The following PRTG variants were observed in gnomAD, a reference collection of about 807,000 sequenced individuals.
PRTG encodes the protein immunoglobulin superfamily, DCC subclass, member 5.
PRTG carries 67 observed loss-of-function variants against 122.5 expected under a neutral mutation model. The ratio of observed to expected loss-of-function variants is 0.55; its 90% confidence interval spans 0.45 to 0.67. PRTG has a LOEUF of 0.67. Ranked by LOEUF, PRTG falls within the 30% of genes least tolerant of loss-of-function variation. The pLI is 0.00. For synonymous variants in PRTG, 554 were observed against 501.1 expected, an observed-to-expected ratio of 1.11 and a Z score of -1.41; for missense variants, 1,435 against 1,415.4, an observed-to-expected ratio of 1.01 and a Z score of -0.22.
Position 55,648,481 on chromosome 15 carries a change from A to G in PRTG, c.2042-7273T>C, listed in dbSNP as rs547726835. On this transcript the variant is annotated intron_variant, in intron 11 of 19. Coordinates refer to ENST00000389286, the MANE Select transcript of PRTG (RefSeq NM_173814.6). ...ACACTGAAACATATTTCTAAACACC[A>G]CACAACAAAAAACCCCATGCCTTCG... Among the ~76,000 whole-genome samples the G allele has an allele frequency of 5.9e-5, 9 of 152,306 alleles. 1 individual carries two copies. Among genetic ancestry groups the G allele is most frequent in the African/African-American group, 2.2e-4 (9 of 41,560 alleles).
At chr15:55,739,915 C>A (rs2031555126) in intron 2 of PRTG, among the ~76,000 whole-genome samples, 1 of 152,202 alleles carries the variant, frequency 6.6e-6, no homozygotes, top group African/African-American at 2.4e-5. Context: ...AATTAAAAGG[C>A]AACATGGGTG....
chr15:55,742,606 C>G, intron 1 of PRTG: 1 of 509,884 alleles, frequency 2.0e-6, no homozygotes, highest in Non-Finnish European at 3.4e-6. Context: ...GGGCGTGCGC[C>G]CGGAGAAGCT....
chr15:55,730,749 G>A (rs529535039), intron 2 of PRTG, among the ~76,000 whole-genome samples: 9 of 152,244 alleles, frequency 5.9e-5, no homozygotes, highest in South Asian at 4.1e-4. Flanking sequence ...GCAGTGAGCC[G>A]AGATGGCGCC....
chr15:55,690,129 A>G (rs2059592770), intron 2 of PRTG, among the ~76,000 whole-genome samples: 1 of 152,232 alleles, frequency 6.6e-6, no homozygotes, highest in Non-Finnish European at 1.5e-5. Context: ...TTGTTCTTAC[A>G]ATAAGACCAT....
intron 2 of PRTG, among the ~76,000 whole-genome samples, chr15:55,702,670 G>A (rs755577349): frequency 1.3e-5 from 2 of 152,106 alleles, no homozygotes; most frequent in African/African-American, 4.8e-5. Context: ...ACTATTAGAG[G>A]AACAGGAGGA....
intron 2 of PRTG, 54 bp downstream of exon 2, chr15:55,740,328 A>G: frequency 6.8e-7 from 1 of 1,466,520 alleles, no homozygotes; most frequent in South Asian, 1.4e-5. Context: ...AAAGCAAGAA[A>G]TCATCAAAAT....
intron 11 of PRTG, among the ~76,000 whole-genome samples, chr15:55,661,500 A>G (rs542605838): frequency 3.8e-4 from 58 of 152,236 alleles, no homozygotes; most frequent in African/African-American, 1.4e-3. Context: ...CTCCACAAGT[A>G]CTGTAAATCT....
chr15:55,674,517 C>G (rs1307302831), intron 9 of PRTG, among the ~76,000 whole-genome samples: 1 of 152,112 alleles, frequency 6.6e-6, no homozygotes. Flanking sequence ...AACGAGGTAA[C>G]TAGAGATGTC....
rs539365056 is a variant in PRTG, at chr15:55,644,381, T to C, written c.2042-3173A>G. Reference sequence around the variant, plus strand: ...TGGAGAGATAATCTTTTTTCTACCATGCAAACAACTTCAATCAATACTGCA... The same window carrying C: ...TGGAGAGATAATCTTTTTTCTACCACGCAAACAACTTCAATCAATACTGCA... On this transcript the variant is annotated intron_variant, in intron 11 of 19. Transcript: ENST00000389286. Among the ~76,000 whole-genome samples the C allele has an allele frequency of 4.6e-5, 7 of 152,312 alleles. No homozygotes were observed. The East Asian group carries it at 1.3e-3, about 29-fold the overall frequency.
At chr15:55,675,096 T>C (rs1242569883) in intron 9 of PRTG, among the ~76,000 whole-genome samples, 1 of 152,110 alleles carries the variant, frequency 6.6e-6, no homozygotes, top group African/African-American at 2.4e-5. Context: ...AATCAACAGG[T>C]ACTAAGTGCT....
intron 15 of PRTG, among the ~76,000 whole-genome samples, chr15:55,636,954 T>A (rs2059260974): frequency 6.6e-6 from 1 of 152,234 alleles, no homozygotes; most frequent in Non-Finnish European, 1.5e-5. Flanking sequence ...GCTATATCTC[T>A]TCTATTAACA....
intron 2 of PRTG, among the ~76,000 whole-genome samples, chr15:55,721,088 C>T (rs2030804838): frequency 6.6e-6 from 1 of 152,160 alleles, no homozygotes. Flanking sequence ...ACCAAGTCAC[C>T]CAAACGAAAT....
chr15:55,623,553 T>G (rs1265570341), intron 18 of PRTG, among the ~76,000 whole-genome samples: 3 of 151,928 alleles, frequency 2.0e-5, no homozygotes, highest in African/African-American at 7.3e-5. Flanking sequence ...GCAACAAGAC[T>G]GAAACTCCAT....
chr15:55,692,629 C>T (rs1372673925), intron 2 of PRTG, among the ~76,000 whole-genome samples: 1 of 151,778 alleles, frequency 6.6e-6, no homozygotes, highest in African/African-American at 2.4e-5. Context: ...ATAACAGAAA[C>T]AACTTAAAAT....
rs536821094 is a variant in PRTG, at chr15:55,618,521, C to A, written c.*1491G>T. On this transcript the variant is annotated 3_prime_UTR_variant, in exon 20 of 20. Coordinates refer to ENST00000389286, the MANE Select transcript of PRTG (RefSeq NM_173814.6). ...CGGCACCTAGGTAACTGTCTCATGACGGAGAAAAGGCCTATGTTATGTAGC... is the reference window on the plus strand; with the variant it reads ...CGGCACCTAGGTAACTGTCTCATGAAGGAGAAAAGGCCTATGTTATGTAGC... 2 of 152,166 alleles carry A rather than the reference C, an allele frequency of 1.3e-5. No homozygotes were observed. The highest frequency in any genetic ancestry group is 6.5e-5 in the Admixed American group (1 of 15,270). 9.4% of individuals were successfully genotyped at this position (152,166 alleles called of 1,614,324 possible).
chr15:55,667,483 A>G (rs1352149027), intron 11 of PRTG, among the ~76,000 whole-genome samples: 2 of 152,140 alleles, frequency 1.3e-5, no homozygotes, highest in Non-Finnish European at 2.9e-5. Context: ...GCATTTTAAG[A>G]TACTGCAGAG....
At chr15:55,654,583 C>T (rs1300871963) in intron 11 of PRTG, among the ~76,000 whole-genome samples, 1 of 152,168 alleles carries the variant, frequency 6.6e-6, no homozygotes, top group African/African-American at 2.4e-5. Flanking sequence ...AATTGTTACA[C>T]TAAAAGCATC....
chr15:55,654,460 G>A (rs1012994912), intron 11 of PRTG, among the ~76,000 whole-genome samples: 1 of 152,184 alleles, frequency 6.6e-6, no homozygotes, highest in Non-Finnish European at 1.5e-5. Context: ...TAGAATAGCG[G>A]TGTGTGTGCC....
At chr15:55,741,698 A>C (rs1255054778) in intron 1 of PRTG, among the ~76,000 whole-genome samples, 1 of 152,162 alleles carries the variant, frequency 6.6e-6, no homozygotes, top group Non-Finnish European at 1.5e-5. Context: ...CTTGATTACA[A>C]ACCCCCAGAA....
Sources: allele counts gnomAD v4.1 joint callset (sites outside exome capture counted in the v4.1 genomes callset), GRCh38; gene constraint gnomAD v4.1.1; transcripts MANE v1.5; gene names NCBI Gene and HGNC (gene_info 2026-07-23, HGNC 2026-07-21).